The following C5 variants were observed in gnomAD, a reference collection of about 807,000 sequenced individuals.
C5 encodes C3 and PZP-like alpha-2-macroglobulin domain-containing protein 4.
A neutral mutation model predicts 218.8 loss-of-function variants in C5; 140 were observed. That is an observed-to-expected ratio of 0.64 (90% CI 0.56 to 0.74). The LOEUF (loss-of-function observed/expected upper bound fraction) is 0.74. C5 is among the 30% of genes least tolerant of loss of function. The pLI is 0.00. For synonymous variants in C5, 614 were observed against 682.3 expected (o/e 0.90, Z 1.56); for missense variants, 1,700 against 1,969.6 (o/e 0.86, Z 2.59).
chr9:121,002,304 A>ATATG (rs1371745773), intron 20 of C5, among the ~76,000 whole-genome samples: 2 of 76,724 alleles, frequency 2.6e-5, no homozygotes, highest in African/African-American at 4.3e-5. Flanking sequence ...ATATGTATAT[A>ATATG]TATATGTGTG....
the C5 span, among the ~76,000 whole-genome samples, chr9:121,064,137 TTC>T: frequency 4.6e-5 from 7 of 152,186 alleles, no homozygotes; most frequent in African/African-American, 1.7e-4. Context: ...TTTTAAATTA[TTC>T]TTTTTTCCTT....
At chr9:121,070,384 G>GATATATATATATATAT in the C5 span, among the ~76,000 whole-genome samples, 13 of 72,886 alleles carry the variant, frequency 1.8e-4, no homozygotes, top group Non-Finnish European at 3.1e-4. Flanking sequence ...AAGGAAGGGT[G>GATATATATATATATAT]ATATATATAT....
intron 25 of C5, among the ~76,000 whole-genome samples, chr9:120,988,554 T>C (rs888849311): frequency 1.3e-5 from 2 of 151,976 alleles, no homozygotes; most frequent in Non-Finnish European, 2.9e-5. Context: ...TGGGGCTGAA[T>C]TGGAGGGAAA....
chr9:120,981,977 G>T, intron 26 of C5, 38 bp from the exon 27 acceptor site: 1 of 1,382,652 alleles, frequency 7.2e-7, no homozygotes, highest in Non-Finnish European at 1.0e-6. Flanking sequence ...GAGTGAAATG[G>T]TGTCTTTAAG....
chr9:121,062,165 C>T, the C5 span, among the ~76,000 whole-genome samples: 3 of 152,112 alleles, frequency 2.0e-5, no homozygotes, highest in Non-Finnish European at 4.4e-5. Context: ...GTCAGTGCCC[C>T]GGCTTGCTCA....
At chr9:121,018,665 AG>A (rs1564153818) in intron 12 of C5, among the ~76,000 whole-genome samples, 74 of 125,612 alleles carry the variant, frequency 5.9e-4, no homozygotes, top group Non-Finnish European at 8.1e-4. Context: ...GAAAGAAGGA[AG>A]GAAGGAAGGA....
rs2046956490 is a variant in C5, at chr9:120,976,780, T to G, written c.3784A>C (p.Lys1262Gln). ...AYALLTSLNL[K>Q]DINYVNPVIK... ...ACTGGGTTAACATAATTTATATCTT[T>G]CAAGTTCAGACTGGTGAGTAAAGCA... Residue 1262 changes from lysine (K) to glutamine (Q), a missense_variant, in exon 29 of 41, where the codon AAA (lysine) becomes CAA (glutamine). Transcript: ENST00000223642. 1 of 1,614,060 alleles carries G rather than the reference T, an allele frequency of 6.2e-7. No individual in the cohort carries two copies. Among genetic ancestry groups the G allele is most frequent in the African/African-American group, 1.3e-5 (1 of 74,934 alleles).
intron 29 of C5, among the ~76,000 whole-genome samples, chr9:120,975,960 T>C (rs183353252): frequency 3.6e-4 from 55 of 152,358 alleles, no homozygotes; most frequent in African/African-American, 1.3e-3. Context: ...TTAAACAATG[T>C]GGCCATTCCC....
intron 33 of C5, among the ~76,000 whole-genome samples, chr9:120,966,839 A>G (rs963147424): frequency 6.6e-6 from 1 of 152,212 alleles, no homozygotes; most frequent in African/African-American, 2.4e-5. Flanking sequence ...AGGGCTGAAT[A>G]GTGAAGGAAT....
Position 120,952,595 on chromosome 9 carries a change from A to G in C5, c.*144T>C. 2.6e-6 allele frequency: 2 copies of G among 760,600 alleles called. No homozygotes were observed. The highest frequency in any genetic ancestry group is 4.3e-6 in the Non-Finnish European group (2 of 469,006). 47.1% of individuals were successfully genotyped at this position (760,600 alleles called of 1,614,324 possible). On this transcript the variant is annotated 3_prime_UTR_variant, in exon 41 of 41. Coordinates refer to ENST00000223642, the MANE Select transcript of C5 (RefSeq NM_001735.3). ...AGCATTTGAAATCATTCTCTAATAA[A>G]AGCAAGTGCCACTAATTCTAAGTAA...
At chr9:120,982,257 G>T (rs921331976) in intron 26 of C5, among the ~76,000 whole-genome samples, 2 of 152,142 alleles carry the variant, frequency 1.3e-5, no homozygotes, top group Non-Finnish European at 2.9e-5. Context: ...TGATCCGCCC[G>T]CCTTGGCCTC....
chr9:121,020,346 T>C (rs539794394), intron 11 of C5, among the ~76,000 whole-genome samples, 167 bp from the exon 12 acceptor site: 3 of 152,326 alleles, frequency 2.0e-5, no homozygotes, highest in Non-Finnish European at 4.4e-5. Flanking sequence ...AGCTGTGGTG[T>C]CAAGCAACTT....
chr9:120,991,392 T>C, intron 22 of C5, 112 bp from the exon 23 acceptor site: 2 of 700,124 alleles, frequency 2.9e-6, no homozygotes, highest in Admixed American at 2.3e-5. Flanking sequence ...GACTTATAAT[T>C]AGACTATTAA....
chr9:121,002,316 G>GTGTGTGTGTGTGTGTATATATATATATA (rs572345213), intron 20 of C5, among the ~76,000 whole-genome samples: 3 of 87,396 alleles, frequency 3.4e-5, no homozygotes, highest in South Asian at 4.2e-4. Flanking sequence ...ATATGTGTGT[G>GTGTGTGTGTGTGTGTATATATATATATA]TATATATATA....
At chr9:121,002,318 A>ACG (rs2047178015) in intron 20 of C5, among the ~76,000 whole-genome samples, 1 of 61,904 alleles carries the variant, frequency 1.6e-5, no homozygotes, top group African/African-American at 5.3e-5. Context: ...ATGTGTGTGT[A>ACG]TATATATATA....
Position 120,961,572 on chromosome 9 carries a change from C to A in C5, c.4505-7G>T. On this transcript the variant is annotated splice_polypyrimidine_tract_variant and splice_region_variant and intron_variant, in intron 36 of 40. Transcript: ENST00000223642. ...AACATGGTACACTGTTTATCTGTGGCAACAAAAGTGTGGTTAAGAGAAGTG... is the reference window on the plus strand; with the variant it reads ...AACATGGTACACTGTTTATCTGTGGAAACAAAAGTGTGGTTAAGAGAAGTG... The A allele has an allele frequency of 6.3e-7, 1 of 1,584,760 alleles. No individual in the cohort carries two copies. The highest frequency in any genetic ancestry group is 8.7e-7 in the Non-Finnish European group (1 of 1,153,406).
chr9:121,036,296 G>A (rs2047523991), intron 4 of C5, among the ~76,000 whole-genome samples: 1 of 152,062 alleles, frequency 6.6e-6, no homozygotes, highest in Admixed American at 6.6e-5. Flanking sequence ...ACTATTTTGA[G>A]GATACTTCCT....
Position 120,989,670 on chromosome 9 carries a change from CT to C in C5, c.3051del (p.Val1018TyrfsTer22). On this transcript the variant is annotated frameshift_variant, in exon 24 of 41. Transcript: ENST00000223642. LOFTEE classifies it high-confidence loss of function. ...TCCAGGTAGTGAAAAACATAGAATA[CT>C]GGGACAACGCTCATCAGCTCCGCCT... ...SAEAELMSVV[P>X]VFYVFHYLET... The C allele has an allele frequency of 6.2e-7, 1 of 1,613,390 alleles. No homozygotes were observed. The highest frequency in any genetic ancestry group is 8.5e-7 in the Non-Finnish European group (1 of 1,179,698).
intron 38 of C5, among the ~76,000 whole-genome samples, chr9:120,959,512 C>T (rs915924751): frequency 3.9e-5 from 6 of 152,082 alleles, no homozygotes; most frequent in Admixed American, 2.6e-4. Context: ...CCACCCACCT[C>T]GGCCTCCCAA....
Sources: gnomAD v4.1 joint callset for allele counts (sites outside exome capture counted in the v4.1 genomes callset) on GRCh38, gnomAD v4.1.1 for gene constraint, MANE v1.5 for transcripts, NCBI Gene and HGNC (gene_info 2026-07-23, HGNC 2026-07-21) for gene names.